The following TECR variants were observed in gnomAD, a reference collection of about 807,000 sequenced individuals.
TECR encodes trans-2,3-enoyl-CoA reductase.
In TECR, 19 loss-of-function variants were observed where a neutral mutation model predicts 50.6. The observed-to-expected ratio is 0.38, with a 90% CI of 0.26 to 0.55. The LOEUF (loss-of-function observed/expected upper bound fraction) is 0.55. TECR is among the 20% of genes least tolerant of loss of function. The pLI is 0.79. For synonymous variants in TECR, 168 were observed against 163.5 expected, an observed-to-expected ratio of 1.03 and a Z score of -0.21; for missense variants, 313 against 408.3, an observed-to-expected ratio of 0.77 and a Z score of 2.01.
chr19:14,538,470 C>T (rs527706080), intron 1 of TECR, among the ~76,000 whole-genome samples: 208 of 152,160 alleles, frequency 1.4e-3, no homozygotes, highest in African/African-American at 4.8e-3. Context: ...AGATCAGCAT[C>T]CCCAGGGCTG....
In TECR at chr19:14,565,242, C is replaced by T. The variant is rs755266028; in HGVS notation, c.705C>T (p.Pro235=). 6.2e-7 allele frequency: 1 copy of T among 1,614,046 alleles called. No homozygotes were observed. The highest frequency in any genetic ancestry group is 1.3e-5 in the African/African-American group (1 of 75,062). ...AGATCCCATACCCCACCAAGAACCC[C>T]TTCACGTGGCTCTTCCTGCTGGTGT... ...TRKIPYPTKN[P]FTWLFLLVSC... Residue 235 remains proline (P), a synonymous_variant, in exon 11 of 13, where the codon CCC becomes CCT. Transcript: ENST00000215567.
At chr19:14,552,923 C>A (rs1043829644) in intron 1 of TECR, among the ~76,000 whole-genome samples, 5 of 151,974 alleles carry the variant, frequency 3.3e-5, no homozygotes, top group Non-Finnish European at 5.9e-5. Flanking sequence ...ATAGATGTCA[C>A]GTCTGAATGA....
chr19:14,562,183 G>A, intron 1 of TECR: 3 of 596,276 alleles, frequency 5.0e-6, no homozygotes, highest in Non-Finnish European at 8.9e-6. Flanking sequence ...CTGGGCTGTG[G>A]CTGTGGTTGC....
upstream of TECR, chr19:14,529,420 A>G (rs2072522320): frequency 5.0e-6 from 3 of 603,698 alleles, no homozygotes; most frequent in Middle Eastern, 4.4e-4. Flanking sequence ...CCCCTCCTAC[A>G]GGCGTTCCGC....
At chr19:14,528,546 C>T (rs2072490524), upstream of TECR, among the ~76,000 whole-genome samples, 1 of 152,068 alleles carries the variant, frequency 6.6e-6, no homozygotes. Context: ...CCTGGACCAG[C>T]CCCATTTCAA....
At chr19:14,556,407 T>TAAAAAAAAAAA (rs1452073822) in intron 1 of TECR, among the ~76,000 whole-genome samples, 2 of 56,848 alleles carry the variant, frequency 3.5e-5, no homozygotes, top group African/African-American at 1.0e-4. Context: ...CGAGACTCTC[T>TAAAAAAAAAAA]CAAAAAAAAA....
At chr19:14,550,831 C>T (rs540758065) in intron 1 of TECR, among the ~76,000 whole-genome samples, 1 of 152,038 alleles carries the variant, frequency 6.6e-6, no homozygotes, top group Non-Finnish European at 1.5e-5. Context: ...CAGGCCCGTA[C>T]CACTATGCCC....
chr19:14,555,660 C>T (rs914560695), intron 1 of TECR, among the ~76,000 whole-genome samples: 54 of 152,064 alleles, frequency 3.6e-4, no homozygotes, highest in Non-Finnish European at 5.6e-4. Flanking sequence ...AGGCTGGTCT[C>T]GAACTCCTGA....
intron 1 of TECR, chr19:14,545,708 A>C (rs1417342075): frequency 6.2e-6 from 1 of 161,512 alleles, no homozygotes; most frequent in African/African-American, 2.4e-5. Context: ...AGTTAGCAGA[A>C]AAGGTTTTTG....
At position 14,546,479 on chromosome 19, in the gene TECR, TG is replaced by T. The variant is rs558519471; in HGVS notation, c.16-16045del. On this transcript the variant is annotated intron_variant, in intron 1 of 12. Transcript: ENST00000215567. ...GCACGTGTCTGTAATCCTGGCTACTTGCGAGGCTGAGGCAGGAGAATTGCTT... is the reference window on the plus strand; with the variant it reads ...GCACGTGTCTGTAATCCTGGCTACTTCGAGGCTGAGGCAGGAGAATTGCTT... Among the ~76,000 whole-genome samples, 1,321 of 152,190 alleles carry T rather than the reference TG, an allele frequency of 8.7e-3. 8 individuals carry two copies. The highest frequency in any genetic ancestry group is 0.015 in the Non-Finnish European group (1,004 of 68,006).
intron 1 of TECR, among the ~76,000 whole-genome samples, chr19:14,558,993 G>A (rs970438255): frequency 1.3e-5 from 2 of 152,200 alleles, no homozygotes; most frequent in Admixed American, 1.3e-4. Context: ...GTGTGTGTGT[G>A]TGGCAGGCAC....
At chr19:14,538,117 T>C (rs925779291) in intron 1 of TECR, among the ~76,000 whole-genome samples, 1 of 152,176 alleles carries the variant, frequency 6.6e-6, no homozygotes, top group Non-Finnish European at 1.5e-5. Flanking sequence ...TGTTCTTATC[T>C]CTACTTGACT....
chr19:14,565,717 C>T (rs745857242), intron 12 of TECR, 27 bp from the exon 13 acceptor site: 6 of 1,612,148 alleles, frequency 3.7e-6, no homozygotes, highest in Non-Finnish European at 5.1e-6. Context: ...CCGGCAGCCC[C>T]TCCCTGACGC....
chr19:14,529,830 A>G, intron 1 of TECR, 119 bp downstream of exon 1: 2 of 1,443,426 alleles, frequency 1.4e-6, no homozygotes, highest in Non-Finnish European at 1.9e-6. Context: ...CAGACGGCGC[A>G]GGCGCAGTGG....
In TECR at chr19:14,564,000, G is replaced by C. The variant is rs1426987679; in HGVS notation, c.286G>C (p.Ala96Pro). Residue 96 changes from alanine (A) to proline (P), a missense_variant, in exon 6 of 13, where the codon GCG becomes CCG. Ala to Pro is a conservative substitution (Grantham distance 27). Coordinates refer to ENST00000215567, the MANE Select transcript of TECR (RefSeq NM_138501.6). The surrounding 1 kb of genome is among the most constrained non-coding windows in gnomAD (Gnocchi z 5.3). ...SWVTVFLTEY[A>P]GPLFIYLLFY... Reference sequence around the variant, plus strand: ...CTCTCAGGTCTTCCTAACAGAGTACGCGGGGCCCCTTTTCATCTACCTGCT... The same window carrying C: ...CTCTCAGGTCTTCCTAACAGAGTACCCGGGGCCCCTTTTCATCTACCTGCT... 3 of 1,613,916 alleles carry C rather than the reference G, an allele frequency of 1.9e-6. No homozygotes were observed. Among genetic ancestry groups the C allele is most frequent in the South Asian group, 1.1e-5 (1 of 91,090 alleles).
intron 1 of TECR, among the ~76,000 whole-genome samples, chr19:14,543,387 GAA>G: frequency 2.8e-5 from 1 of 35,710 alleles, no homozygotes; most frequent in Non-Finnish European, 5.6e-5. Flanking sequence ...TTGTTTCAGA[GAA>G]TATATATATA....
intron 1 of TECR, among the ~76,000 whole-genome samples, chr19:14,537,786 C>T (rs1019119979): frequency 2.1e-5 from 3 of 143,784 alleles, no homozygotes; most frequent in Non-Finnish European, 4.5e-5. Context: ...CGCTCTTGTC[C>T]CCTAGGCTGG....
intron 1 of TECR, among the ~76,000 whole-genome samples, chr19:14,546,587 C>CA (rs2073314402): frequency 6.6e-6 from 1 of 152,304 alleles, no homozygotes; most frequent in South Asian, 2.1e-4. Flanking sequence ...ACAGGGCTCT[C>CA]ACTATCTTGG....
At chr19:14,552,427 A>C (rs1342348492) in intron 1 of TECR, among the ~76,000 whole-genome samples, 1 of 151,896 alleles carries the variant, frequency 6.6e-6, no homozygotes, top group African/African-American at 2.4e-5. Flanking sequence ...AGCTGGGTGG[A>C]CACTCACATG....
Sources: gnomAD v4.1 joint callset for allele counts (sites outside exome capture counted in the v4.1 genomes callset) on GRCh38, gnomAD v4.1.1 for gene constraint, Gnocchi (gnomAD v3.1) non-coding constraint, MANE v1.5 for transcripts, NCBI Gene and HGNC (gene_info 2026-07-23, HGNC 2026-07-21) for gene names.